Variants in PRLR observed in about 807,000 individuals in gnomAD.
PRLR encodes the protein prolactin receptor.
Under a neutral mutation model 40.2 loss-of-function variants are expected in PRLR, and 13 were observed. That is an observed-to-expected ratio of 0.32 (90% CI 0.21 to 0.51). The LOEUF (loss-of-function observed/expected upper bound fraction) is 0.51, where lower values mean the gene tolerates loss of function less well. Ranked by LOEUF, PRLR falls within the 20% of genes least tolerant of loss-of-function variation. The pLI is 0.97. For missense variants in PRLR, 656 were observed against 747.3 expected, an observed-to-expected ratio of 0.88 and a Z score of 1.42; for synonymous variants, 269 against 278.7, an observed-to-expected ratio of 0.97 and a Z score of 0.35.
chr5:35,075,120 G>A (rs755335799), intron 5 of PRLR, among the ~76,000 whole-genome samples: 7 of 152,212 alleles, frequency 4.6e-5, no homozygotes, highest in African/African-American at 1.4e-4. Context: ...AGCTCCCAGC[G>A]TGAGCAACAC....
At chr5:35,217,926 A>G (rs1313747073) in intron 1 of PRLR, among the ~76,000 whole-genome samples, 1 of 152,244 alleles carries the variant, frequency 6.6e-6, no homozygotes, top group African/African-American at 2.4e-5. Context: ...ATTTTAGCTT[A>G]GGACATACCT....
intron 1 of PRLR, among the ~76,000 whole-genome samples, chr5:35,204,957 C>T (rs1322406229): frequency 6.6e-6 from 1 of 152,098 alleles, no homozygotes; most frequent in Non-Finnish European, 1.5e-5. Flanking sequence ...CACCCTTCTT[C>T]CCCAGGACAC....
intron 1 of PRLR, among the ~76,000 whole-genome samples, chr5:35,150,641 C>G (rs1375917076): frequency 6.6e-6 from 1 of 151,552 alleles, no homozygotes; most frequent in Non-Finnish European, 1.5e-5. Context: ...TTAAGGCCTA[C>G]AAGGGGAAAG....
At chr5:35,202,224 A>ACCTTCCAAATC (rs1428693718) in intron 1 of PRLR, among the ~76,000 whole-genome samples, 45 of 152,354 alleles carry the variant, frequency 3.0e-4, no homozygotes, top group East Asian at 7.7e-4. Flanking sequence ...TGTGGTGTCC[A>ACCTTCCAAATC]CTAGCATTTG....
At chr5:35,174,060 C>CA (rs1238469523) in intron 1 of PRLR, among the ~76,000 whole-genome samples, 2 of 151,450 alleles carry the variant, frequency 1.3e-5, no homozygotes. Context: ...TCAATTCCCA[C>CA]CTATGAGTGA....
intron 1 of PRLR, among the ~76,000 whole-genome samples, chr5:35,228,020 C>T (rs1330862406): frequency 6.6e-6 from 1 of 152,060 alleles, no homozygotes; most frequent in Non-Finnish European, 1.5e-5. Flanking sequence ...ATTCTGAGGC[C>T]ACCACTCCTT....
chr5:35,068,716 T>C, intron 8 of PRLR, 63 bp downstream of exon 8: 1 of 1,243,612 alleles, frequency 8.0e-7, no homozygotes, highest in Non-Finnish European at 1.2e-6. Flanking sequence ...CTTTGTATTT[T>C]TTTTTTTGTC....
intron 1 of PRLR, among the ~76,000 whole-genome samples, chr5:35,212,126 T>A (rs2111644472): frequency 1.3e-5 from 2 of 152,362 alleles, no homozygotes; most frequent in South Asian, 4.1e-4. Context: ...ATTAAGTAGA[T>A]GAATATAAGT....
chr5:35,049,641 G>A (rs549380602), intron 8 of PRLR, among the ~76,000 whole-genome samples: 2 of 152,196 alleles, frequency 1.3e-5, no homozygotes, highest in African/African-American at 2.4e-5. Flanking sequence ...CTCTACATGT[G>A]TCTATCTGTG....
At chr5:35,185,724 C>T (rs13436213) in intron 1 of PRLR, among the ~76,000 whole-genome samples, 47,144 of 152,104 alleles carry the variant, frequency 0.31, 8,026 homozygotes, top group South Asian at 0.4. Context: ...CTGAGAATTA[C>T]AGGTGGAGGC....
At chr5:35,113,193 T>C (rs969603405) in intron 2 of PRLR, among the ~76,000 whole-genome samples, 8 of 135,076 alleles carry the variant, frequency 5.9e-5, no homozygotes, top group African/African-American at 2.3e-4. Context: ...CACCCATCTA[T>C]CCATCCATCC....
chr5:35,134,977 T>C (rs559155281), intron 1 of PRLR, among the ~76,000 whole-genome samples: 6 of 152,304 alleles, frequency 3.9e-5, no homozygotes, highest in Admixed American at 3.3e-4. Flanking sequence ...ATCTATAACA[T>C]TGGACTGAGG....
At chr5:35,206,387 A>G (rs184458679) in intron 1 of PRLR, among the ~76,000 whole-genome samples, 3 of 152,318 alleles carry the variant, frequency 2.0e-5, no homozygotes, top group Admixed American at 2.0e-4. Context: ...GGACACAGAA[A>G]TCAGATAACC....
intron 1 of PRLR, among the ~76,000 whole-genome samples, chr5:35,211,034 A>C (rs996889464): frequency 1.3e-5 from 2 of 152,210 alleles, no homozygotes; most frequent in African/African-American, 4.8e-5. Context: ...ATTGGCTCTA[A>C]GTTACTGCAG....
At chr5:35,121,367 A>C (rs1339419336) in intron 1 of PRLR, among the ~76,000 whole-genome samples, 2 of 152,128 alleles carry the variant, frequency 1.3e-5, no homozygotes, top group East Asian at 3.8e-4. Flanking sequence ...TCCTAGAGGG[A>C]AGGGGCTGTG....
chr5:35,224,207 T>C (rs1488341139), intron 1 of PRLR, among the ~76,000 whole-genome samples: 1 of 152,216 alleles, frequency 6.6e-6, no homozygotes, highest in Non-Finnish European at 1.5e-5. Flanking sequence ...TATCTGTGTC[T>C]GTGCCTCTGT....
chr5:35,073,805 T>C (rs562208007), intron 5 of PRLR, among the ~76,000 whole-genome samples: 125 of 152,302 alleles, frequency 8.2e-4, no homozygotes, highest in South Asian at 7.1e-3. Context: ...TCAAGGTCAT[T>C]AGCCTTCTGG....
intron 1 of PRLR, among the ~76,000 whole-genome samples, chr5:35,155,814 G>T (rs1044946164): frequency 2.0e-5 from 3 of 152,140 alleles, no homozygotes; most frequent in African/African-American, 7.2e-5. Context: ...GCTTACAAAG[G>T]TACTTCTAAC....
chr5:35,207,393 T>C (rs536388254), intron 1 of PRLR, among the ~76,000 whole-genome samples: 16 of 151,706 alleles, frequency 1.1e-4, no homozygotes, highest in Non-Finnish European at 1.9e-4. Context: ...GGAAGAAAAA[T>C]CCATTCATAA....
Sources: gnomAD v4.1 joint callset for allele counts (sites outside exome capture counted in the v4.1 genomes callset) on GRCh38, gnomAD v4.1.1 for gene constraint, MANE v1.5 for transcripts, NCBI Gene and HGNC (gene_info 2026-07-23, HGNC 2026-07-21) for gene names.